The following ASTN2 variants were observed in gnomAD, a reference collection of about 807,000 sequenced individuals.
The protein encoded by ASTN2 is astrotactin 2.
ASTN2 carries 54 observed loss-of-function variants against 139.8 expected under a neutral mutation model. That is an observed-to-expected ratio of 0.39 (90% CI 0.31 to 0.48). ASTN2 has a LOEUF of 0.48. ASTN2 is among the 20% of genes least tolerant of loss of function. The pLI, the probability that ASTN2 is intolerant of heterozygous loss-of-function variation, is 0.95. For synonymous variants in ASTN2, 756 were observed against 719.5 expected, an observed-to-expected ratio of 1.05 and a Z score of -0.81; for missense variants, 1,565 against 1,725.1, an observed-to-expected ratio of 0.91 and a Z score of 1.64.
chr9:116,535,676 A>G (rs1437570143), intron 19 of ASTN2, among the ~76,000 whole-genome samples: 2 of 152,176 alleles, frequency 1.3e-5, no homozygotes, highest in Admixed American at 6.5e-5. Flanking sequence ...AGAATGTTGA[A>G]TATTAGCCTC....
chr9:116,857,222 A>G (rs1033543655), intron 11 of ASTN2, among the ~76,000 whole-genome samples: 4 of 152,208 alleles, frequency 2.6e-5, no homozygotes, highest in Non-Finnish European at 5.9e-5. Context: ...TAAAATGGAC[A>G]TGATAGTTCC....
rs1832241391 is a variant in ASTN2 at position 117,214,420 on chromosome 9, A to T, written c.953T>A (p.Val318Glu). 6.2e-7 allele frequency: 1 copy of T among 1,613,848 alleles called. No homozygotes were observed. Among genetic ancestry groups the T allele is most frequent in the Non-Finnish European group, 8.5e-7 (1 of 1,179,890 alleles). Residue 318 changes from valine to glutamate, a missense_variant, in exon 3 of 23, where the codon GTG becomes GAG. Val to Glu is a moderately radical substitution (Grantham distance 121). This residue lies in a region of ASTN2 where 596 missense variants were observed against 576.8 expected (regional missense o/e 1.03). Transcript: ENST00000313400. ...VSREDEFGSQ[V>E]THTLDSLGHP... The stretch of plus-strand genomic sequence containing the variant: ...TCCCAGACTGTCCAGAGTGTGGGTC[A>T]CCTGGCTGCCAAACTCGTCCTCGCG...
intron 6 of ASTN2, among the ~76,000 whole-genome samples, chr9:117,019,841 C>T (rs10817978): frequency 2.0e-5 from 3 of 151,956 alleles, no homozygotes; most frequent in Non-Finnish European, 2.9e-5. Context: ...CTTGCGGATT[C>T]TCTTCTGTAA....
At chr9:116,721,833 C>T (rs1828481366) in intron 16 of ASTN2, among the ~76,000 whole-genome samples, 1 of 152,184 alleles carries the variant, frequency 6.6e-6, no homozygotes, top group East Asian at 1.9e-4. Context: ...ATGCCCAGTG[C>T]CCCCTCTGGA....
At chr9:116,824,049 T>C (rs1012273586) in intron 11 of ASTN2, among the ~76,000 whole-genome samples, 1 of 152,364 alleles carries the variant, frequency 6.6e-6, no homozygotes, top group South Asian at 2.1e-4. Context: ...ACTTGTTATT[T>C]GCTGAACGAA....
At chr9:117,202,656 T>C (rs1322044414) in intron 3 of ASTN2, among the ~76,000 whole-genome samples, 1 of 152,184 alleles carries the variant, frequency 6.6e-6, no homozygotes, top group Non-Finnish European at 1.5e-5. Flanking sequence ...ATGTTGAATA[T>C]TGGCCCCCAA....
chr9:116,816,702 G>A (rs1233263758), intron 12 of ASTN2, among the ~76,000 whole-genome samples: 1 of 152,066 alleles, frequency 6.6e-6, no homozygotes, highest in African/African-American at 2.4e-5. Flanking sequence ...ACCAAGCTAT[G>A]AGGCTATCAC....
intron 12 of ASTN2, among the ~76,000 whole-genome samples, chr9:116,811,006 ATTTCT>A (rs1304863164): frequency 6.6e-6 from 1 of 152,104 alleles, no homozygotes; most frequent in African/African-American, 2.4e-5. Context: ...TTCTCATTAA[ATTTCT>A]TTTATCTTTT....
intron 4 of ASTN2, among the ~76,000 whole-genome samples, chr9:117,110,936 A>G (rs1431431458): frequency 6.6e-6 from 1 of 152,160 alleles, no homozygotes; most frequent in African/African-American, 2.4e-5. Context: ...GGAGCCCACA[A>G]TCTGTGTATA....
At chr9:117,135,413 C>T (rs1291424699) in intron 4 of ASTN2, among the ~76,000 whole-genome samples, 1 of 152,200 alleles carries the variant, frequency 6.6e-6, no homozygotes, top group Non-Finnish European at 1.5e-5. Context: ...GTAGGCTGCA[C>T]TGCATCCCAT....
intron 10 of ASTN2, among the ~76,000 whole-genome samples, chr9:116,896,636 T>TA (rs1833885601): frequency 6.6e-6 from 1 of 152,100 alleles, no homozygotes; most frequent in South Asian, 2.1e-4. Context: ...GGTAATTTAT[T>TA]AAAAAAGAGG....
chr9:116,830,167 C>T (rs1194811899), intron 11 of ASTN2, among the ~76,000 whole-genome samples: 3 of 152,112 alleles, frequency 2.0e-5, no homozygotes, highest in African/African-American at 7.2e-5. Flanking sequence ...AAAAATTGGG[C>T]AAAAGACATA....
intron 17 of ASTN2, among the ~76,000 whole-genome samples, chr9:116,647,335 T>C (rs1857647608): frequency 6.6e-6 from 1 of 152,174 alleles, no homozygotes; most frequent in Non-Finnish European, 1.5e-5. Context: ...CAGTGGGGGC[T>C]CAAAGATACT....
chr9:116,977,329 T>C lies in ASTN2; in HGVS notation c.1592-544A>G, dbSNP rs550516937. ...TTTATTTTGTGTTGCTTTTCATTTT[T>C]AAATTATTTTTCCTCTCCTCCCCTT... is the stretch of plus-strand genomic sequence containing the variant. On this transcript the variant is annotated intron_variant, in intron 7 of 22. Transcript: ENST00000313400. Among the ~76,000 whole-genome samples the C allele has an allele frequency of 2.6e-5, 4 of 152,186 alleles. No individual in the cohort carries two copies. The East Asian group carries it at 7.7e-4, about 29-fold the overall frequency.
At chr9:116,652,152 C>T (rs371479521) in intron 16 of ASTN2, among the ~76,000 whole-genome samples, 3 of 151,902 alleles carry the variant, frequency 2.0e-5, no homozygotes, top group East Asian at 1.9e-4. Flanking sequence ...TGCAAAAACC[C>T]ATATCTACTA....
chr9:116,817,280 C>A (rs1022598582), intron 12 of ASTN2, among the ~76,000 whole-genome samples: 9 of 148,302 alleles, frequency 6.1e-5, no homozygotes, highest in African/African-American at 2.0e-4. Context: ...GGTGACAGAG[C>A]GAGACTCCAT....
chr9:116,803,278 C>A (rs887934501), intron 13 of ASTN2, among the ~76,000 whole-genome samples: 6 of 149,440 alleles, frequency 4.0e-5, no homozygotes, highest in Non-Finnish European at 8.9e-5. Flanking sequence ...TCCAGACTAT[C>A]CTTAAATTTT....
intron 10 of ASTN2, among the ~76,000 whole-genome samples, chr9:116,938,823 A>G (rs1835149872): frequency 6.6e-6 from 1 of 152,202 alleles, no homozygotes; most frequent in Non-Finnish European, 1.5e-5. Context: ...AACTCTTGCT[A>G]TTAAAAAAAG....
intron 20 of ASTN2, among the ~76,000 whole-genome samples, chr9:116,443,299 C>G (rs955970421): frequency 1.2e-4 from 18 of 152,038 alleles, no homozygotes; most frequent in Non-Finnish European, 2.4e-4. Flanking sequence ...AGGAAAGGAG[C>G]CCAGACGGTT....
Sources: gnomAD v4.1 joint callset for allele counts (sites outside exome capture counted in the v4.1 genomes callset) on GRCh38, gnomAD v4.1.1 for gene constraint, gnomAD v4.1.1 regional missense constraint, MANE v1.5 for transcripts, NCBI Gene and HGNC (gene_info 2026-07-23, HGNC 2026-07-21) for gene names.